The following SRD5A2 variants were observed in gnomAD, a reference collection of about 807,000 sequenced individuals.
SRD5A2 encodes 3-oxo-5-alpha-steroid 4-dehydrogenase 2.
SRD5A2 carries 30 observed loss-of-function variants against 27.4 expected under a neutral mutation model. The observed-to-expected ratio is 1.10, with a 90% CI of 0.82 to 1.49. The LOEUF (loss-of-function observed/expected upper bound fraction) is 1.49. Ranked by LOEUF, SRD5A2 falls within the 40% of genes most tolerant of loss-of-function variation. The pLI, the probability that SRD5A2 is intolerant of heterozygous loss-of-function variation, is 0.00. For synonymous variants in SRD5A2, 141 were observed against 133.6 expected (o/e 1.06, Z -0.38); for missense variants, 348 against 323.4 (o/e 1.08, Z -0.58).
upstream of SRD5A2, among the ~76,000 whole-genome samples, chr2:31,584,747 A>G (rs1432402457): frequency 6.6e-6 from 1 of 152,224 alleles, no homozygotes; most frequent in African/African-American, 2.4e-5. Context: ...GTGGAGCAAG[A>G]TGGTGGAATA....
chr2:31,550,271 T>G (rs1052597813), intron 1 of SRD5A2, among the ~76,000 whole-genome samples: 131 of 152,170 alleles, frequency 8.6e-4, no homozygotes, highest in African/African-American at 3.1e-3. Flanking sequence ...GAGATATCCT[T>G]GTCCAGATGG....
the SRD5A2 span, among the ~76,000 whole-genome samples, chr2:31,597,829 AG>A: frequency 5.3e-5 from 8 of 152,272 alleles, no homozygotes; most frequent in African/African-American, 1.9e-4. Context: ...TGTGGTAAAA[AG>A]GGAACACTTG....
the SRD5A2 span, among the ~76,000 whole-genome samples, chr2:31,636,874 T>A: frequency 6.6e-6 from 1 of 152,088 alleles, no homozygotes; most frequent in Non-Finnish European, 1.5e-5. Flanking sequence ...TTAAGTTTGC[T>A]AGCATTTGGT....
In SRD5A2 at chr2:31,580,682, G is replaced by C; in HGVS notation, c.219C>G (p.Leu73=). The change falls in exon 1 of 5, where the codon CTC becomes CTG. Residue 73 remains leucine (L), a synonymous_variant. Coordinates refer to ENST00000622030, the MANE Select transcript of SRD5A2 (RefSeq NM_000348.4). Reference sequence around the variant, plus strand: ...CCGTCCCAGGTGGCCCGAAGAGGGAGAGGGGCTGCCGGGCGAGGATCCCCG... The same window carrying C: ...CCGTCCCAGGTGGCCCGAAGAGGGACAGGGGCTGCCGGGCGAGGATCCCCG... ...VPAGILARQP[L]SLFGPPGTVL... is the part of the protein sequence containing the mutation. 6.3e-7 allele frequency: 1 copy of C among 1,599,010 alleles called. No homozygotes were observed. Among genetic ancestry groups the C allele is most frequent in the Non-Finnish European group, 8.5e-7 (1 of 1,177,878 alleles).
At chr2:31,652,181 T>TGTGGGCTCAAGCAATCCACCCGCC in the SRD5A2 span, among the ~76,000 whole-genome samples, 1 of 152,166 alleles carries the variant, frequency 6.6e-6, no homozygotes, top group African/African-American at 2.4e-5. Context: ...GTCTTAAACT[T>TGTGGGCTCAAGCAATCCACCCGCC]GTGGGCTCAA....
chr2:31,575,160 T>C (rs1267115254), intron 1 of SRD5A2, among the ~76,000 whole-genome samples: 5 of 152,224 alleles, frequency 3.3e-5, no homozygotes, highest in Non-Finnish European at 7.3e-5. Context: ...GATTTGTCTA[T>C]TGTTTCCAAA....
the SRD5A2 span, among the ~76,000 whole-genome samples, chr2:31,631,017 C>G: frequency 2.6e-5 from 4 of 152,330 alleles, no homozygotes; most frequent in South Asian, 8.3e-4. Context: ...TGCGTGCAAG[C>G]TGTTTGCACT....
the SRD5A2 span, among the ~76,000 whole-genome samples, chr2:31,643,310 C>T: frequency 1.3e-5 from 2 of 151,814 alleles, no homozygotes; most frequent in Non-Finnish European, 2.9e-5. Context: ...CAAGACAATT[C>T]GAGCCAGTTT....
chr2:31,659,900 T>C, the SRD5A2 span, among the ~76,000 whole-genome samples: 1 of 152,224 alleles, frequency 6.6e-6, no homozygotes, highest in Non-Finnish European at 1.5e-5. Flanking sequence ...TTCCCACTGA[T>C]AGTCTTTTTA....
intron 1 of SRD5A2, among the ~76,000 whole-genome samples, chr2:31,569,678 A>AAAC (rs1491299671): frequency 8.1e-3 from 246 of 30,278 alleles, no homozygotes; most frequent in African/African-American, 0.028. Flanking sequence ...AACAAAAAAC[A>AAAC]AAAAAAAAAA....
the SRD5A2 span, among the ~76,000 whole-genome samples, chr2:31,631,411 A>G: frequency 1.3e-5 from 2 of 152,124 alleles, no homozygotes; most frequent in Non-Finnish European, 2.9e-5. Flanking sequence ...CTTAGAGGAC[A>G]CTCTACGACT....
the SRD5A2 span, among the ~76,000 whole-genome samples, chr2:31,589,568 G>A: frequency 6.6e-6 from 1 of 152,206 alleles, no homozygotes; most frequent in Admixed American, 6.5e-5. Flanking sequence ...GAGGGCTGGA[G>A]GCCTTGTGCC....
At chr2:31,543,840 C>T (rs1343263371) in intron 1 of SRD5A2, among the ~76,000 whole-genome samples, 2 of 152,066 alleles carry the variant, frequency 1.3e-5, no homozygotes, top group African/African-American at 4.8e-5. Flanking sequence ...GTAAGTTCCT[C>T]CTTTTCAGTA....
chr2:31,643,773 T>C, the SRD5A2 span, among the ~76,000 whole-genome samples: 1 of 152,160 alleles, frequency 6.6e-6, no homozygotes, highest in Non-Finnish European at 1.5e-5. Flanking sequence ...AATAAGTAAT[T>C]GTGATAAGCA....
At chr2:31,640,869 A>C in the SRD5A2 span, among the ~76,000 whole-genome samples, 2 of 152,180 alleles carry the variant, frequency 1.3e-5, no homozygotes, top group East Asian at 3.9e-4. Flanking sequence ...GGCAAAAAAA[A>C]AAGTCTCCTG....
intron 1 of SRD5A2, among the ~76,000 whole-genome samples, chr2:31,575,109 T>G (rs493165): frequency 6.6e-6 from 1 of 152,228 alleles, no homozygotes; most frequent in Non-Finnish European, 1.5e-5. Context: ...AATGTTGCTT[T>G]TCTTGCTTGG....
At chr2:31,575,733 T>A (rs1666945659) in intron 1 of SRD5A2, among the ~76,000 whole-genome samples, 1 of 152,246 alleles carries the variant, frequency 6.6e-6, no homozygotes, top group African/African-American at 2.4e-5. Flanking sequence ...TGCTTCTAGA[T>A]GTATATCATG....
chr2:31,532,916 G>A (rs1281688409), intron 2 of SRD5A2, among the ~76,000 whole-genome samples: 4 of 152,042 alleles, frequency 2.6e-5, no homozygotes, highest in Non-Finnish European at 5.9e-5. Flanking sequence ...TAAATAAAGT[G>A]AGGAACCAAC....
the SRD5A2 span, among the ~76,000 whole-genome samples, chr2:31,589,397 T>C: frequency 6.6e-6 from 1 of 152,184 alleles, no homozygotes; most frequent in African/African-American, 2.4e-5. Context: ...CAGAAGTTAA[T>C]AAATACCTCT....
Sources: gnomAD v4.1 joint callset for allele counts (sites outside exome capture counted in the v4.1 genomes callset) on GRCh38, gnomAD v4.1.1 for gene constraint, MANE v1.5 for transcripts, NCBI Gene and HGNC (gene_info 2026-07-23, HGNC 2026-07-21) for gene names.